The following MED25 variants were observed in gnomAD, a reference collection of about 807,000 sequenced individuals.
The protein encoded by MED25 is mediator of RNA polymerase II transcription subunit 25.
In MED25, 62 loss-of-function variants were observed where a neutral mutation model predicts 89.4. That is an observed-to-expected ratio of 0.69 (90% CI 0.57 to 0.86). The LOEUF (loss-of-function observed/expected upper bound fraction) is 0.86, where lower values mean the gene tolerates loss of function less well. MED25 is among the 40% of genes least tolerant of loss of function. MED25 has a pLI of 0.00. For synonymous variants in MED25, 449 were observed against 427.9 expected (o/e 1.05, Z -0.61); for missense variants, 905 against 1,005.2 (o/e 0.90, Z 1.35).
downstream of MED25, chr19:49,838,595 G>A: frequency 4.4e-6 from 2 of 457,496 alleles, no homozygotes; most frequent in South Asian, 1.5e-5. Context: ...AAACGAAAGA[G>A]AGAAGGAGAG....
chr19:49,823,783 G>A (rs1328060970), intron 3 of MED25, among the ~76,000 whole-genome samples: 1 of 152,192 alleles, frequency 6.6e-6, no homozygotes, highest in Non-Finnish European at 1.5e-5. Context: ...GTAACACAGA[G>A]CAGGGTTTCT....
chr19:49,829,161 G>C lies in MED25; in HGVS notation c.525+71G>C. On this transcript the variant is annotated intron_variant, in intron 5 of 17. Coordinates refer to ENST00000312865, the MANE Select transcript of MED25 (RefSeq NM_030973.4). The surrounding 1 kb of genome is among the most constrained non-coding windows in gnomAD (Gnocchi z 4.6). ...TCTTGGGTCTGAGGCAGGAGGCACTGAGGGCCTGGACTCCTGGGTCTGAGG... is the reference window on the plus strand; with the variant it reads ...TCTTGGGTCTGAGGCAGGAGGCACTCAGGGCCTGGACTCCTGGGTCTGAGG... 7.1e-7 allele frequency: 1 copy of C among 1,402,690 alleles called. No homozygotes were observed. The highest frequency in any genetic ancestry group is 1.2e-5 in the South Asian group (1 of 83,316). The allele number at this position is 1,402,690 out of a possible 1,614,324, so 86.9% of individuals were successfully genotyped here. A position where few individuals can be genotyped will look rare whatever the true frequency, so the allele number is the denominator to read the frequency against.
chr19:49,835,535 TGGG>T lies in MED25; in HGVS notation c.1680_1682del (p.Gly561del), dbSNP rs765398345. On this transcript the variant is annotated inframe_deletion and splice_region_variant, in exon 15 of 18. Coordinates refer to ENST00000312865, the MANE Select transcript of MED25 (RefSeq NM_030973.4). This position sits in a 1 kb window ranked among gnomAD's most constrained non-coding sequence, Gnocchi z 6.2. Reference sequence around the variant, plus strand: ...ACCTGCCCCTCTCTCCCCGTGCAGATGGGGGGACAGCAGGCACCCCCAGGGCTG... The same window carrying T: ...ACCTGCCCCTCTCTCCCCGTGCAGATGGGACAGCAGGCACCCCCAGGGCTG... The T allele has an allele frequency of 1.5e-5, 24 of 1,557,446 alleles. No individual in the cohort carries two copies. The highest frequency in any genetic ancestry group is 7.6e-5 in the Admixed American group (4 of 52,828).
In MED25 at chr19:49,830,854, G is replaced by C. The variant is rs2074050942; in HGVS notation, c.1068G>C (p.Leu356=). ...LVSTVAPGSG[L]APTAQPGAPS... ...CCACTGTGGCCCCTGGCTCCGGCCT[G>C]GCTCCCACGGCACAGCCCGGGGCAC... is the stretch of plus-strand genomic sequence containing the variant. The change falls in exon 9 of 18, where the codon CTG becomes CTC. Residue 356 remains leucine, a synonymous_variant. Coordinates refer to ENST00000312865, the MANE Select transcript of MED25 (RefSeq NM_030973.4). This position sits in a 1 kb window ranked among gnomAD's most constrained non-coding sequence, Gnocchi z 4.6. 1 of 1,611,856 alleles carries C rather than the reference G, an allele frequency of 6.2e-7. No individual in the cohort carries two copies. Among genetic ancestry groups the C allele is most frequent in the African/African-American group, 1.3e-5 (1 of 74,864 alleles).
At chr19:49,824,984 A>G (rs1334829516) in intron 3 of MED25, among the ~76,000 whole-genome samples, 1 of 152,102 alleles carries the variant, frequency 6.6e-6, no homozygotes, top group Non-Finnish European at 1.5e-5. Flanking sequence ...TGTGTCACCT[A>G]GGGGGCTTTT....
At chr19:49,832,879 C>T (rs2074068956) in intron 13 of MED25, 1 of 267,870 alleles carries the variant, frequency 3.7e-6, no homozygotes, top group Admixed American at 5.0e-5. Context: ...TAACCCCAGG[C>T]TTCAGGTGGC....
At chr19:49,837,247 C>T (rs989648143), downstream of MED25, among the ~76,000 whole-genome samples, 8 of 152,224 alleles carry the variant, frequency 5.3e-5, no homozygotes, top group Non-Finnish European at 1.2e-4. Context: ...AGCCCCAGCT[C>T]CTCAGAGTCT....
intron 2 of MED25, 57 bp from the exon 3 acceptor site, chr19:49,819,115 C>A: frequency 1.9e-6 from 3 of 1,609,108 alleles, no homozygotes; most frequent in South Asian, 1.1e-5. Flanking sequence ...GATTCCTTCT[C>A]TAAGGGAAAA....
rs2074085337 is a variant in MED25, at chr19:49,835,050, C to T, written c.1547C>T (p.Ser516Leu). ...CEVRVLMLLY[S>L]SKKKIFMGLI... ...GTGCGCGTGCTCATGCTCCTGTACT[C>T]GTCCAAGAAGAAGATCTTCATGGGC... Residue 516 changes from serine to leucine, a missense_variant, in exon 14 of 18, where the codon TCG (serine) becomes TTG (leucine). Ser to Leu is a moderately radical substitution (Grantham distance 145, BLOSUM62 -2). This residue lies in a region of MED25 where 133 missense variants were observed against 220.2 expected (regional missense o/e 0.60). Transcript: ENST00000312865. This position sits in a 1 kb window ranked among gnomAD's most constrained non-coding sequence, Gnocchi z 6.2. The T allele has an allele frequency of 6.2e-7, 1 of 1,613,972 alleles. No homozygotes were observed. The highest frequency in any genetic ancestry group is 1.7e-5 in the Admixed American group (1 of 60,002).
chr19:49,829,633 C>G lies in MED25; in HGVS notation c.526-153C>G, dbSNP rs1429444833. On this transcript the variant is annotated intron_variant, in intron 5 of 17. Coordinates refer to ENST00000312865, the MANE Select transcript of MED25 (RefSeq NM_030973.4). This position sits in a 1 kb window ranked among gnomAD's most constrained non-coding sequence, Gnocchi z 4.6. ...CAGAGTCTCCCGGGGCAGGTGATAC[C>G]TGGTTTCAGGGTCTCCTGCCTCAAA... Among the ~76,000 whole-genome samples, 2 of 152,152 alleles carry G rather than the reference C, an allele frequency of 1.3e-5. No homozygotes were observed. Among genetic ancestry groups the G allele is most frequent in the African/African-American group, 4.8e-5 (2 of 41,442 alleles).
chr19:49,835,742 C>G lies in MED25; in HGVS notation c.1762C>G (p.Pro588Ala). 6.2e-7 allele frequency: 1 copy of G among 1,610,582 alleles called. No homozygotes were observed. The highest frequency in any genetic ancestry group is 1.7e-5 in the Admixed American group (1 of 59,928). The change falls in exon 16 of 18, where the codon CCG becomes GCG. Residue 588 changes from proline (P) to alanine (A), a missense_variant. Pro to Ala is a conservative substitution (Grantham distance 27, BLOSUM62 -1). Coordinates refer to ENST00000312865, the MANE Select transcript of MED25 (RefSeq NM_030973.4). The surrounding 1 kb of genome is among the most constrained non-coding windows in gnomAD (Gnocchi z 6.2). ...PSQNLLQLRPPQPQPQGTVGA... is the reference protein window; with the variant it reads ...PSQNLLQLRPAQPQPQGTVGA... Reference sequence around the variant, plus strand: ...TTCCCACCAGCTCCAGCTCCGCCCACCGCAGCCCCAGCCTCAGGGTACCGT... The same window carrying G: ...TTCCCACCAGCTCCAGCTCCGCCCAGCGCAGCCCCAGCCTCAGGGTACCGT...
intron 3 of MED25, among the ~76,000 whole-genome samples, chr19:49,821,155 G>A (rs560297669): frequency 1.2e-4 from 19 of 152,310 alleles, no homozygotes; most frequent in East Asian, 3.9e-4. Context: ...TGGGGAATCC[G>A]TTCCCAAGGT....
intron 3 of MED25, among the ~76,000 whole-genome samples, chr19:49,823,310 A>G (rs1285041387): frequency 6.6e-6 from 1 of 152,108 alleles, no homozygotes; most frequent in East Asian, 1.9e-4. Flanking sequence ...TATCCCGTTC[A>G]GTGTAGGAGG....
rs1464293341 is a variant in MED25 at position 49,836,175 on chromosome 19, G to A, written c.1966-51G>A. ...TCTCTGAGCAGTGTCTGTGTTGAGA[G>A]GTGGGGAGTCTCTACCAGGAGCCTC... On this transcript the variant is annotated intron_variant, in intron 16 of 17. Coordinates refer to ENST00000312865, the MANE Select transcript of MED25 (RefSeq NM_030973.4). The surrounding 1 kb of genome is among the most constrained non-coding windows in gnomAD (Gnocchi z 5.1). 1 of 1,587,762 alleles carries A rather than the reference G, an allele frequency of 6.3e-7. No homozygotes were observed. Among genetic ancestry groups the A allele is most frequent in the South Asian group, 1.1e-5 (1 of 89,876 alleles).
chr19:49,819,034 G>C (rs2123861867), intron 2 of MED25, 138 bp from the exon 3 acceptor site: 1 of 1,103,778 alleles, frequency 9.1e-7, no homozygotes, highest in East Asian at 2.6e-5. Flanking sequence ...CTGGGGCCGA[G>C]ATTGCTGGGT....
At chr19:49,827,044 G>T (rs1047285460) in intron 3 of MED25, among the ~76,000 whole-genome samples, 1 of 152,172 alleles carries the variant, frequency 6.6e-6, no homozygotes, top group African/African-American at 2.4e-5. Flanking sequence ...CAAGCCTGGG[G>T]GTAAGAGAGG....
rs373297837 is a variant in MED25, at chr19:49,832,395, C to T, written c.1462C>T (p.Arg488Cys). The change falls in exon 13 of 18, where the codon CGC becomes TGC. Residue 488 changes from arginine (R) to cysteine (C), a missense_variant. By Grantham distance (180) the Arg-to-Cys change is radical (BLOSUM62 -3). Around this residue, in one of 3 missense-constraint regions of MED25, gnomAD observed 133 missense variants for 220.2 expected, o/e 0.60. Transcript: ENST00000312865. ...KDLESLKGLYRIMGNGFAGCV... is the reference protein window; with the variant it reads ...KDLESLKGLYCIMGNGFAGCV... ...CCTGGAGTCTCTCAAAGGCCTCTAC[C>T]GCATCATGGGCAACGGCTTCGTGAG... 8.1e-6 allele frequency: 13 copies of T among 1,605,618 alleles called. No homozygotes were observed. The highest frequency in any genetic ancestry group is 1.7e-4 in the Middle Eastern group (1 of 6,050).
chr19:49,837,938 G>C (rs1217207878), downstream of MED25, among the ~76,000 whole-genome samples: 1 of 152,180 alleles, frequency 6.6e-6, no homozygotes, highest in East Asian at 1.9e-4. Flanking sequence ...GCAGGGAACA[G>C]GTTTGGGACG....
intron 3 of MED25, among the ~76,000 whole-genome samples, chr19:49,824,173 C>A (rs1007463345): frequency 6.6e-6 from 1 of 152,090 alleles, no homozygotes; most frequent in Non-Finnish European, 1.5e-5. Context: ...ATACTAACCA[C>A]CCTGGAAGAC....
Sources: gnomAD v4.1 joint callset for allele counts (sites outside exome capture counted in the v4.1 genomes callset) on GRCh38, gnomAD v4.1.1 for gene constraint, gnomAD v4.1.1 regional missense constraint, Gnocchi (gnomAD v3.1) non-coding constraint, MANE v1.5 for transcripts, NCBI Gene and HGNC (gene_info 2026-07-23, HGNC 2026-07-21) for gene names.